Variants in H3C6 observed in about 807,000 individuals in gnomAD.
H3C6 encodes H3 clustered histone 6, also known as histone H3.1.
Under a neutral mutation model 8.0 loss-of-function variants are expected in H3C6, and 17 were observed. The ratio of observed to expected loss-of-function variants is 2.13; its 90% confidence interval spans 1.46 to 3.19. The LOEUF (loss-of-function observed/expected upper bound fraction) is 3.19, where lower values mean the gene tolerates loss of function less well. Ranked by LOEUF, H3C6 falls within the 30% of genes most tolerant of loss-of-function variation. The pLI is 0.00. For synonymous variants in H3C6, 169 were observed against 78.0 expected (o/e 2.17, Z -6.15); for missense variants, 298 against 193.8 (o/e 1.54, Z -3.19).
Position 26,225,190 on chromosome 6 carries a change from A to C in H3C6, c.36A>C (p.Thr12=), listed in dbSNP as rs1310193827. ...ARTKQTARKS[T]GGKAPRKQLA... The stretch of plus-strand genomic sequence containing the variant: ...CTAAGCAGACGGCTCGTAAATCCAC[A>C]GGCGGTAAAGCACCGCGCAAACAGC... Residue 12 remains threonine (T), a synonymous_variant, in exon 1 of 1, where the codon ACA becomes ACC. Transcript: ENST00000614911. The C allele has an allele frequency of 6.3e-7, 1 of 1,584,796 alleles. No homozygotes were observed. Among genetic ancestry groups the C allele is most frequent in the South Asian group, 1.1e-5 (1 of 87,258 alleles).
At position 26,225,531 on chromosome 6, in the gene H3C6, A is replaced by C; in HGVS notation, c.377A>C (p.Gln126Pro). The change falls in exon 1 of 1, where the codon CAG becomes CCG. Residue 126 changes from glutamine to proline, a missense_variant. Coordinates refer to ENST00000614911, the MANE Select transcript of H3C6 (RefSeq NM_003532.3). The part of the protein sequence containing the change: ...KRVTIMPKDI[Q>P]LARRIRGERA ...GTGACCATCATGCCTAAAGACATCC[A>C]GCTTGCCCGCCGCATTCGTGGGGAG... 6.2e-7 allele frequency: 1 copy of C among 1,613,968 alleles called. No individual in the cohort carries two copies. The highest frequency in any genetic ancestry group is 1.1e-5 in the South Asian group (1 of 91,076).
At position 26,225,316 on chromosome 6, in the gene H3C6, C is replaced by G. The variant is rs143567772; in HGVS notation, c.162C>G (p.Arg54=). 1.9e-6 allele frequency: 3 copies of G among 1,614,248 alleles called. No individual in the cohort carries two copies. The highest frequency in any genetic ancestry group is 2.2e-5 in the East Asian group (1 of 44,882). ...PGTVALREIR[R]YQKSTELLIR... is the part of the protein sequence containing the mutation. ...CCGTGGCTCTGCGCGAGATCCGTCG[C>G]TACCAGAAGTCTACCGAGCTTCTAA... is the stretch of plus-strand genomic sequence containing the variant. The change falls in exon 1 of 1, where the codon CGC becomes CGG. Residue 54 remains arginine, a synonymous_variant. Coordinates refer to ENST00000614911, the MANE Select transcript of H3C6 (RefSeq NM_003532.3).
In H3C6 at chr6:26,225,221, A is replaced by T; in HGVS notation, c.67A>T (p.Thr23Ser). ...TAAAGCACCGCGCAAACAGCTGGCC[A>T]CTAAGGCAGCTCGCAAGAGCGCTCC... is the stretch of plus-strand genomic sequence containing the variant. ...GGKAPRKQLA[T>S]KAARKSAPAT... The change falls in exon 1 of 1, where the codon ACT (threonine) becomes TCT (serine). Residue 23 changes from threonine (T) to serine (S), a missense_variant. Thr to Ser is a moderately conservative substitution (Grantham distance 58, BLOSUM62 1). Transcript: ENST00000614911. The T allele has an allele frequency of 6.2e-7, 1 of 1,610,530 alleles. No homozygotes were observed. The highest frequency in any genetic ancestry group is 8.5e-7 in the Non-Finnish European group (1 of 1,177,970).
upstream of H3C6, chr6:26,225,093 A>G: frequency 6.7e-7 from 1 of 1,495,198 alleles, no homozygotes; most frequent in Non-Finnish European, 9.0e-7. Flanking sequence ...AATCAGAGTG[A>G]TTCTGTTCCT....
chr6:26,225,161 C>T lies in H3C6; in HGVS notation c.7C>T (p.Arg3Cys), dbSNP rs545285022. 12 of 1,555,248 alleles carry T rather than the reference C, an allele frequency of 7.7e-6. No homozygotes were observed. The Admixed American group carries it at 2.0e-4, about 26-fold the overall frequency. The change falls in exon 1 of 1, where the codon CGT (arginine) becomes TGT (cysteine). Residue 3 changes from arginine (R) to cysteine (C), a missense_variant. Physicochemically the swap from Arg to Cys is radical, Grantham distance 180. Coordinates refer to ENST00000614911, the MANE Select transcript of H3C6 (RefSeq NM_003532.3). ...TTTACTTTGCAGATGAACTATGGCG[C>T]GTACTAAGCAGACGGCTCGTAAATC... Reference protein sequence around the residue: MARTKQTARKSTG... With the variant: MACTKQTARKSTG...
chr6:26,225,747 C>G (rs1484584622), downstream of H3C6: 3 of 777,874 alleles, frequency 3.9e-6, no homozygotes, highest in Non-Finnish European at 3.9e-6. Context: ...AATTTAAGCG[C>G]TCCCTCAGGT....
Position 26,225,219 on chromosome 6 carries a change from C to T in H3C6, c.65C>T (p.Ala22Val). 6.2e-7 allele frequency: 1 copy of T among 1,609,244 alleles called. No homozygotes were observed. The highest frequency in any genetic ancestry group is 2.2e-5 in the East Asian group (1 of 44,848). ...GGTAAAGCACCGCGCAAACAGCTGG[C>T]CACTAAGGCAGCTCGCAAGAGCGCT... ...TGGKAPRKQL[A>V]TKAARKSAPA... Residue 22 changes from alanine (A) to valine (V), a missense_variant, in exon 1 of 1, where the codon GCC becomes GTC. By Grantham distance (64) the Ala-to-Val change is moderately conservative. Transcript: ENST00000614911.
upstream of H3C6, chr6:26,225,044 A>G: frequency 8.0e-7 from 1 of 1,242,566 alleles, no homozygotes; most frequent in Non-Finnish European, 1.1e-6. Flanking sequence ...CACTTCCGGA[A>G]TTTAGCAACC....
rs775867908 is a variant in H3C6 at position 26,225,397 on chromosome 6, C to T, written c.243C>T (p.Thr81=). 6.2e-6 allele frequency: 10 copies of T among 1,614,140 alleles called. No homozygotes were observed. The highest frequency in any genetic ancestry group is 1.1e-5 in the South Asian group (1 of 91,096). The part of the protein sequence containing the change: ...LVREIAQDFK[T]DLRFQSSAVM... The stretch of plus-strand genomic sequence containing the variant: ...GAGAAATAGCTCAGGACTTCAAGAC[C>T]GACCTGCGCTTCCAGAGTTCCGCGG... Residue 81 remains threonine, a synonymous_variant, in exon 1 of 1, where the codon ACC becomes ACT. Transcript: ENST00000614911.
At chr6:26,224,631 T>C (rs1293729049), upstream of H3C6, among the ~76,000 whole-genome samples, 2 of 152,198 alleles carry the variant, frequency 1.3e-5, no homozygotes, top group Non-Finnish European at 2.9e-5. Context: ...ACAAAGTTCC[T>C]TATGCTTAAC....
At chr6:26,225,092 G>T, upstream of H3C6, 1 of 1,493,286 alleles carries the variant, frequency 6.7e-7, no homozygotes, top group South Asian at 1.4e-5. Context: ...CAATCAGAGT[G>T]ATTCTGTTCC....
Position 26,225,459 on chromosome 6 carries a change from T to G in H3C6, c.305T>G (p.Val102Gly). 1 of 1,614,234 alleles carries G rather than the reference T, an allele frequency of 6.2e-7. No homozygotes were observed. Among genetic ancestry groups the G allele is most frequent in the Non-Finnish European group, 8.5e-7 (1 of 1,180,032 alleles). ...CAGGAGGCCTGCGAGGCCTACTTGGTGGGGCTTTTCGAGGACACCAACCTG... is the reference window on the plus strand; with the variant it reads ...CAGGAGGCCTGCGAGGCCTACTTGGGGGGGCTTTTCGAGGACACCAACCTG... ...ALQEACEAYL[V>G]GLFEDTNLCA... Residue 102 changes from valine to glycine, a missense_variant, in exon 1 of 1, where the codon GTG (valine) becomes GGG (glycine). Transcript: ENST00000614911.
downstream of H3C6, chr6:26,226,947 C>G (rs906605181): frequency 6.6e-6 from 1 of 152,164 alleles, no homozygotes; most frequent in African/African-American, 2.4e-5. Flanking sequence ...TGAATGTGCT[C>G]TTTTCCCACT....
Position 26,225,344 on chromosome 6 carries a change from C to T in H3C6, c.190C>T (p.Arg64Trp). 2.5e-6 allele frequency: 4 copies of T among 1,614,234 alleles called. No homozygotes were observed. The highest frequency in any genetic ancestry group is 3.4e-6 in the Non-Finnish European group (4 of 1,180,028). Residue 64 changes from arginine (R) to tryptophan (W), a missense_variant, in exon 1 of 1, where the codon CGG (arginine) becomes TGG (tryptophan). Physicochemically the swap from Arg to Trp is moderately radical, Grantham distance 101. Coordinates refer to ENST00000614911, the MANE Select transcript of H3C6 (RefSeq NM_003532.3). Reference protein sequence around the residue: ...RYQKSTELLIRKLPFQRLVRE... With the variant: ...RYQKSTELLIWKLPFQRLVRE... ...CCAGAAGTCTACCGAGCTTCTAATCCGGAAGCTGCCGTTTCAGCGCCTGGT... is the reference window on the plus strand; with the variant it reads ...CCAGAAGTCTACCGAGCTTCTAATCTGGAAGCTGCCGTTTCAGCGCCTGGT...
In H3C6 at chr6:26,225,249, C is replaced by G; in HGVS notation, c.95C>G (p.Ala32Gly). 1 of 1,613,586 alleles carries G rather than the reference C, an allele frequency of 6.2e-7. No individual in the cohort carries two copies. Among genetic ancestry groups the G allele is most frequent in the Non-Finnish European group, 8.5e-7 (1 of 1,179,694 alleles). Residue 32 changes from alanine to glycine, a missense_variant, in exon 1 of 1, where the codon GCC becomes GGC. Ala to Gly is a moderately conservative substitution (Grantham distance 60, BLOSUM62 0). Transcript: ENST00000614911. ...ATKAARKSAP[A>G]TGGVKKPHRY... ...AAGGCAGCTCGCAAGAGCGCTCCGG[C>G]CACGGGCGGCGTGAAGAAGCCCCAT... is the stretch of plus-strand genomic sequence containing the variant.
At chr6:26,225,127 C>T, upstream of H3C6, 5 of 1,527,094 alleles carry the variant, frequency 3.3e-6, no homozygotes, top group Admixed American at 2.2e-5. Context: ...AACCAATCTT[C>T]CTAACTCATT....
chr6:26,224,479 T>C (rs956981157), upstream of H3C6, among the ~76,000 whole-genome samples: 7 of 152,250 alleles, frequency 4.6e-5, no homozygotes, highest in East Asian at 9.6e-4. Context: ...GAAAATACTT[T>C]TTTTGACGGC....
downstream of H3C6, chr6:26,226,480 C>T (rs1408015830): frequency 6.6e-6 from 1 of 152,478 alleles, no homozygotes; most frequent in African/African-American, 2.4e-5. Flanking sequence ...CAACCTCCGC[C>T]TCCCGGGTTC....
downstream of H3C6, chr6:26,227,128 T>A (rs187392786): frequency 1.1e-3 from 172 of 152,332 alleles, 1 homozygote; most frequent in African/African-American, 3.6e-3. Context: ...GAATTGGAGA[T>A]TCAGTGCGTG....
Sources: gnomAD v4.1 joint callset for allele counts (sites outside exome capture counted in the v4.1 genomes callset) on GRCh38, gnomAD v4.1.1 for gene constraint, MANE v1.5 for transcripts, NCBI Gene and HGNC (gene_info 2026-07-23, HGNC 2026-07-21) for gene names.